The following RAD54L2 variants were observed in gnomAD, a reference collection of about 807,000 sequenced individuals.
The protein encoded by RAD54L2 is RAD54 like 2.
In RAD54L2, 27 loss-of-function variants were observed where a neutral mutation model predicts 138.4. That is an observed-to-expected ratio of 0.20 (90% confidence interval 0.14 to 0.27). The LOEUF is 0.27. RAD54L2 is among the 10% of genes least tolerant of loss of function. The pLI is 1.00. For missense variants in RAD54L2, 1,396 were observed against 1,890.2 expected (o/e 0.74, Z 4.85); for synonymous variants, 644 against 723.2 (o/e 0.89, Z 1.76).
In RAD54L2 at chr3:51,665,474, A is replaced by G. The variant is rs905708538; in HGVS notation, c.*2054A>G. 5.9e-5 allele frequency: 9 copies of G among 152,238 alleles called. No individual in the cohort carries two copies. The highest frequency in any genetic ancestry group is 1.2e-4 in the Non-Finnish European group (8 of 68,034). 9.4% of individuals were successfully genotyped at this position (152,238 alleles called of 1,614,324 possible). A position where few individuals can be genotyped will look rare whatever the true frequency, so the allele number is the denominator to read the frequency against. On this transcript the variant is annotated 3_prime_UTR_variant, in exon 23 of 23. Coordinates refer to ENST00000684192, the MANE Select transcript of RAD54L2 (RefSeq NM_015106.4). ...TGTTTGTCTGCTGTCCAATAACACC[A>G]AAAGTGGAACTTAAGAAGCTTTGTG...
intron 3 of RAD54L2, among the ~76,000 whole-genome samples, chr3:51,602,574 C>T (rs373382837): frequency 5.9e-5 from 9 of 152,192 alleles, no homozygotes; most frequent in African/African-American, 2.2e-4. Flanking sequence ...CTGTGTAGCC[C>T]CATGAGTATC....
In RAD54L2 at chr3:51,649,682, A is replaced by G. The variant is rs375179834; in HGVS notation, c.3026+3201A>G. On this transcript the variant is annotated intron_variant, in intron 19 of 22. Coordinates refer to ENST00000684192, the MANE Select transcript of RAD54L2 (RefSeq NM_015106.4). ...AAAAGAATTTTCAACCCAGAATTTC[A>G]TATCCAGCCAAACTAAGCTTCATAA... 5.9e-5 allele frequency among the ~76,000 whole-genome samples: 9 copies of G among 152,326 alleles called. No homozygotes were observed. In the East Asian group the frequency reaches 1.2e-3, roughly 20 times the overall value.
Position 51,665,163 on chromosome 3 carries a change from C to T in RAD54L2, c.*1743C>T, listed in dbSNP as rs2106867516. On this transcript the variant is annotated 3_prime_UTR_variant, in exon 23 of 23. Coordinates refer to ENST00000684192, the MANE Select transcript of RAD54L2 (RefSeq NM_015106.4). Reference sequence around the variant, plus strand: ...GGCTGTCTTCCTACTGGTGTCCCCGCCCCCTCTGTATCCCCCACCCCAACA... The same window carrying T: ...GGCTGTCTTCCTACTGGTGTCCCCGTCCCCTCTGTATCCCCCACCCCAACA... 6.6e-6 allele frequency: 1 copy of T among 151,558 alleles called. No homozygotes were observed. The highest frequency in any genetic ancestry group is 2.1e-4 in the South Asian group (1 of 4,772). 9.4% of individuals were successfully genotyped at this position (151,558 alleles called of 1,614,324 possible). A position where few individuals can be genotyped will look rare whatever the true frequency, so the allele number is the denominator to read the frequency against.
At chr3:51,661,311 T>C (rs957834989) in intron 22 of RAD54L2, among the ~76,000 whole-genome samples, 1 of 152,224 alleles carries the variant, frequency 6.6e-6, no homozygotes, top group Non-Finnish European at 1.5e-5. Flanking sequence ...TAAAATACTA[T>C]TTACTCCTTT....
intron 3 of RAD54L2, among the ~76,000 whole-genome samples, chr3:51,592,591 G>A (rs1176489708): frequency 6.6e-6 from 1 of 150,954 alleles, no homozygotes; most frequent in African/African-American, 2.4e-5. Flanking sequence ...ACCTCTTAAA[G>A]CTTTTTTTTT....
chr3:51,620,712 G>A (rs984508519), intron 3 of RAD54L2, among the ~76,000 whole-genome samples: 1 of 152,090 alleles, frequency 6.6e-6, no homozygotes, highest in African/African-American at 2.4e-5. Flanking sequence ...TAACTCTTGT[G>A]GTTACTGCTC....
intron 3 of RAD54L2, among the ~76,000 whole-genome samples, chr3:51,605,970 A>G (rs914717909): frequency 1.3e-5 from 2 of 152,138 alleles, no homozygotes; most frequent in African/African-American, 4.8e-5. Flanking sequence ...CATGAATTAG[A>G]ATTAAGTCAT....
intron 2 of RAD54L2, among the ~76,000 whole-genome samples, chr3:51,554,013 T>C (rs944326509): frequency 6.6e-6 from 1 of 152,188 alleles, no homozygotes; most frequent in Admixed American, 6.6e-5. Flanking sequence ...TGCCTAGACA[T>C]TGATGGCTGC....
intron 3 of RAD54L2, among the ~76,000 whole-genome samples, chr3:51,601,905 G>A (rs1700091053): frequency 1.3e-5 from 2 of 151,476 alleles, no homozygotes; most frequent in South Asian, 2.1e-4. Flanking sequence ...TCGCCAGGCT[G>A]GAGTGCAGTG....
chr3:51,583,843 G>T (rs1699659259), intron 2 of RAD54L2, among the ~76,000 whole-genome samples: 1 of 148,686 alleles, frequency 6.7e-6, no homozygotes, highest in South Asian at 2.1e-4. Context: ...CACTTTGAAT[G>T]GCTTTTTTTT....
chr3:51,578,089 C>T (rs1699519660), intron 2 of RAD54L2, among the ~76,000 whole-genome samples: 1 of 151,856 alleles, frequency 6.6e-6, no homozygotes, highest in Non-Finnish European at 1.5e-5. Flanking sequence ...CAGTTGTCCC[C>T]AAATATTATT....
chr3:51,624,081 G>A (rs192004081), intron 3 of RAD54L2, among the ~76,000 whole-genome samples: 14 of 151,906 alleles, frequency 9.2e-5, no homozygotes, highest in Admixed American at 7.2e-4. Flanking sequence ...GGAGAAAGGA[G>A]GTAATGTAAA....
At position 51,559,620 on chromosome 3, in the gene RAD54L2, G is replaced by A. The variant is rs149427848; in HGVS notation, c.-55+17970G>A. Among the ~76,000 whole-genome samples the A allele has an allele frequency of 2.6e-5, 4 of 152,280 alleles. No individual in the cohort carries two copies. The East Asian group carries it at 5.8e-4, about 22-fold the overall frequency. The stretch of plus-strand genomic sequence containing the variant: ...TGGTTTATCCAGTTTTGTCTGTGAG[G>A]AATGCATGTTTTCTGGGCTTGGCGC... On this transcript the variant is annotated intron_variant, in intron 2 of 22. Transcript: ENST00000684192.
chr3:51,610,654 A>C (rs1445641498), intron 3 of RAD54L2, among the ~76,000 whole-genome samples: 2 of 152,028 alleles, frequency 1.3e-5, no homozygotes, highest in Non-Finnish European at 2.9e-5. Context: ...AAAAAAAAAA[A>C]AAACAGAAAG....
At chr3:51,551,849 T>C (rs1029709008) in intron 2 of RAD54L2, among the ~76,000 whole-genome samples, 2 of 151,404 alleles carry the variant, frequency 1.3e-5, no homozygotes, top group South Asian at 4.2e-4. Context: ...ATCTCCTGGG[T>C]TCAGACGATT....
intron 19 of RAD54L2, among the ~76,000 whole-genome samples, chr3:51,653,672 A>G (rs929330021): frequency 1.3e-5 from 2 of 152,196 alleles, no homozygotes; most frequent in African/African-American, 2.4e-5. Context: ...TCAGCAAACT[A>G]TCACAAGGAC....
At chr3:51,544,298 A>C (rs1215717742) in intron 2 of RAD54L2, among the ~76,000 whole-genome samples, 1 of 152,198 alleles carries the variant, frequency 6.6e-6, no homozygotes, top group Non-Finnish European at 1.5e-5. Context: ...TCCTGGCTGA[A>C]GCAGTATCTC....
chr3:51,574,273 C>A (rs1699411276), intron 2 of RAD54L2, among the ~76,000 whole-genome samples: 1 of 152,106 alleles, frequency 6.6e-6, no homozygotes, highest in African/African-American at 2.4e-5. Flanking sequence ...GGTTCCAAGT[C>A]TTTGCTATTG....
At chr3:51,592,568 T>C (rs371728504) in intron 3 of RAD54L2, among the ~76,000 whole-genome samples, 2 of 152,186 alleles carry the variant, frequency 1.3e-5, no homozygotes, top group African/African-American at 4.8e-5. Flanking sequence ...TCTGGTGTTT[T>C]TGACCCTATT....
Sources: allele counts gnomAD v4.1 joint callset (sites outside exome capture counted in the v4.1 genomes callset), GRCh38; gene constraint gnomAD v4.1.1; transcripts MANE v1.5; gene names NCBI Gene and HGNC (gene_info 2026-07-23, HGNC 2026-07-21).